The following TEAD1 variants were observed in gnomAD, a reference collection of about 807,000 sequenced individuals.
TEAD1 encodes transcriptional enhancer factor TEF-1.
A neutral mutation model predicts 54.9 loss-of-function variants in TEAD1; 9 were observed. The observed-to-expected ratio is 0.16, with a 90% CI of 0.10 to 0.29. TEAD1 has a LOEUF of 0.29. Among genes scored for constraint, TEAD1 ranks in the 10% least tolerant of loss-of-function variants. The probability of loss-of-function intolerance (pLI) is 1.00; values close to 1 mark genes in which losing one functional copy is unlikely to be tolerated. For synonymous variants in TEAD1, 200 were observed against 187.8 expected (o/e 1.07, Z -0.53); for missense variants, 387 against 535.9 (o/e 0.72, Z 2.74).
chr11:12,758,469 GGCGCAATC>G (rs1945032486), intron 2 of TEAD1, among the ~76,000 whole-genome samples: 1 of 145,314 alleles, frequency 6.9e-6, no homozygotes, highest in Non-Finnish European at 1.5e-5. Flanking sequence ...GGAGTGCAGT[GGCGCAATC>G]TCAGCTTACT....
At chr11:12,686,612 A>G (rs1042764910) in intron 2 of TEAD1, among the ~76,000 whole-genome samples, 1 of 152,042 alleles carries the variant, frequency 6.6e-6, no homozygotes, top group Non-Finnish European at 1.5e-5. Flanking sequence ...TTCAGATTAT[A>G]TTTTAGAACC....
At chr11:12,770,385 C>T (rs1945290261) in intron 3 of TEAD1, among the ~76,000 whole-genome samples, 1 of 152,168 alleles carries the variant, frequency 6.6e-6, no homozygotes. Context: ...TTTCCAACAG[C>T]TTTTCTGTGG....
intron 3 of TEAD1, among the ~76,000 whole-genome samples, chr11:12,815,409 T>G (rs1946395131): frequency 6.6e-6 from 1 of 152,202 alleles, no homozygotes; most frequent in African/African-American, 2.4e-5. Flanking sequence ...CGTACTTGAT[T>G]GTGGGTTATT....
intron 12 of TEAD1, 70 bp downstream of exon 12, chr11:12,930,396 G>C (rs1240799157): frequency 1.9e-6 from 3 of 1,595,262 alleles, no homozygotes; most frequent in Non-Finnish European, 1.7e-6. Context: ...AGGAAGGTGG[G>C]CCTGGGAGGC....
intron 10 of TEAD1, among the ~76,000 whole-genome samples, chr11:12,914,893 A>G (rs1948683032): frequency 6.6e-6 from 1 of 152,266 alleles, no homozygotes; most frequent in Non-Finnish European, 1.5e-5. Flanking sequence ...ACCGCCTGCC[A>G]AGGAGCCAGA....
chr11:12,893,147 C>A (rs900906649), intron 9 of TEAD1, among the ~76,000 whole-genome samples: 1 of 152,182 alleles, frequency 6.6e-6, no homozygotes, highest in African/African-American at 2.4e-5. Flanking sequence ...AATAAGTGGT[C>A]GGAAAGTACA....
chr11:12,919,420 C>T (rs1589989563), intron 10 of TEAD1, among the ~76,000 whole-genome samples: 1 of 152,172 alleles, frequency 6.6e-6, no homozygotes, highest in African/African-American at 2.4e-5. Context: ...TTTTTATTAT[C>T]ACCATATTAA....
intron 3 of TEAD1, among the ~76,000 whole-genome samples, chr11:12,838,883 A>G (rs181480590): frequency 1.1e-4 from 17 of 152,338 alleles, no homozygotes; most frequent in South Asian, 4.1e-4. Context: ...ATATTTTGCA[A>G]TTAGGAAGCT....
chr11:12,800,094 C>T (rs1008898372), intron 3 of TEAD1, among the ~76,000 whole-genome samples: 6 of 152,152 alleles, frequency 3.9e-5, no homozygotes, highest in African/African-American at 7.2e-5. Context: ...GGTTTAGCTG[C>T]ACAGGCTTAG....
intron 3 of TEAD1, among the ~76,000 whole-genome samples, chr11:12,793,197 A>T (rs984093327): frequency 6.6e-6 from 1 of 152,076 alleles, no homozygotes; most frequent in African/African-American, 2.4e-5. Context: ...GGTTTTCCCT[A>T]CTACAAGTAA....
chr11:12,859,083 A>G (rs1014110942), intron 3 of TEAD1, among the ~76,000 whole-genome samples: 6 of 152,232 alleles, frequency 3.9e-5, no homozygotes, highest in Non-Finnish European at 8.8e-5. Flanking sequence ...CCAAAATGTC[A>G]TCATGTGGTG....
intron 12 of TEAD1, among the ~76,000 whole-genome samples, chr11:12,932,114 C>T (rs746773998): frequency 1.3e-5 from 2 of 152,184 alleles, no homozygotes; most frequent in Non-Finnish European, 2.9e-5. Flanking sequence ...TCAGATGTGC[C>T]CATGTCCTTC....
At chr11:12,815,279 C>A (rs972768197) in intron 3 of TEAD1, among the ~76,000 whole-genome samples, 9 of 151,910 alleles carry the variant, frequency 5.9e-5, no homozygotes, top group African/African-American at 2.2e-4. Flanking sequence ...TTTTCCCTTT[C>A]TTCTTCCCTC....
intron 2 of TEAD1, among the ~76,000 whole-genome samples, chr11:12,699,520 T>G (rs1373382017): frequency 6.6e-6 from 1 of 152,234 alleles, no homozygotes; most frequent in East Asian, 1.9e-4. Flanking sequence ...CATGCCAGCC[T>G]TTGCAATGGA....
chr11:12,796,899 C>T (rs1040271090), intron 3 of TEAD1, among the ~76,000 whole-genome samples: 3 of 152,036 alleles, frequency 2.0e-5, no homozygotes, highest in Non-Finnish European at 4.4e-5. Flanking sequence ...ATCACGAGGT[C>T]AGGAGATCGA....
chr11:12,746,172 C>T (rs773019188), intron 2 of TEAD1, among the ~76,000 whole-genome samples: 1 of 152,188 alleles, frequency 6.6e-6, no homozygotes, highest in Non-Finnish European at 1.5e-5. Flanking sequence ...AAGCTAGCAG[C>T]ATTCTTGCAC....
chr11:12,913,876 A>T (rs1429726024), intron 10 of TEAD1, among the ~76,000 whole-genome samples: 1 of 152,238 alleles, frequency 6.6e-6, no homozygotes, highest in Admixed American at 6.5e-5. Context: ...TCATGCACAA[A>T]ACCTTGAAAC....
intron 3 of TEAD1, among the ~76,000 whole-genome samples, chr11:12,791,687 G>A (rs1053154033): frequency 1.3e-5 from 2 of 152,040 alleles, no homozygotes; most frequent in Non-Finnish European, 2.9e-5. Flanking sequence ...GAGATTTGGG[G>A]CCAATTTAAG....
chr11:12,875,064 C>T (rs1287612447), intron 5 of TEAD1, among the ~76,000 whole-genome samples: 1 of 152,204 alleles, frequency 6.6e-6, no homozygotes, highest in African/African-American at 2.4e-5. Context: ...GAGCATAATT[C>T]CGTATTAACC....
Sources: gnomAD v4.1 joint callset for allele counts (sites outside exome capture counted in the v4.1 genomes callset) on GRCh38, gnomAD v4.1.1 for gene constraint, MANE v1.5 for transcripts, NCBI Gene and HGNC (gene_info 2026-07-23, HGNC 2026-07-21) for gene names.